The following EIF2B3 variants were observed in gnomAD, a reference collection of about 807,000 sequenced individuals.
EIF2B3 encodes the protein translation initiation factor eIF2B subunit gamma.
In EIF2B3, 20 loss-of-function variants were observed where a neutral mutation model predicts 54.1. That is an observed-to-expected ratio of 0.37 (90% confidence interval 0.26 to 0.54). The LOEUF (loss-of-function observed/expected upper bound fraction) is 0.54. Among genes scored for constraint, EIF2B3 ranks in the 20% least tolerant of loss-of-function variants. The probability of loss-of-function intolerance (pLI) is 0.86; values close to 1 mark genes in which losing one functional copy is unlikely to be tolerated. For missense variants in EIF2B3, 448 were observed against 547.8 expected (o/e 0.82, Z 1.82); for synonymous variants, 153 against 188.1 (o/e 0.81, Z 1.52).
chr1:44,959,211 G>T, intron 3 of EIF2B3: 1 of 696,382 alleles, frequency 1.4e-6, no homozygotes, highest in Non-Finnish European at 2.6e-6. Context: ...GTTTCCTTTG[G>T]ATAGTACACC....
chr1:44,879,788 G>C, intron 8 of EIF2B3, 30 bp downstream of exon 8: 2 of 1,609,186 alleles, frequency 1.2e-6, no homozygotes, highest in African/African-American at 1.3e-5. Flanking sequence ...TAGGACAAGA[G>C]CCCCATGATT....
intron 4 of EIF2B3, among the ~76,000 whole-genome samples, chr1:44,936,616 A>G (rs567879223): frequency 4.7e-4 from 71 of 152,258 alleles, no homozygotes; most frequent in Middle Eastern, 6.8e-3. Context: ...TGAGCCTTCC[A>G]GAGAGGCTTG....
chr1:44,908,681 T>C (rs1643458723), intron 5 of EIF2B3, among the ~76,000 whole-genome samples: 1 of 152,180 alleles, frequency 6.6e-6, no homozygotes, highest in Non-Finnish European at 1.5e-5. Context: ...CTACAAGCAA[T>C]GTATTTATAG....
At chr1:44,918,472 C>A (rs1388195069) in intron 5 of EIF2B3, among the ~76,000 whole-genome samples, 1 of 151,814 alleles carries the variant, frequency 6.6e-6, no homozygotes, top group Non-Finnish European at 1.5e-5. Context: ...TTACTGTAAC[C>A]TCCGCCTCCC....
chr1:44,961,273 T>C (rs908829954), intron 3 of EIF2B3, among the ~76,000 whole-genome samples: 2 of 142,618 alleles, frequency 1.4e-5, no homozygotes, highest in African/African-American at 2.6e-5. Flanking sequence ...GCCATGATCA[T>C]GCCACTGCAC....
chr1:44,968,674 G>A (rs1470462327), intron 3 of EIF2B3, among the ~76,000 whole-genome samples: 3 of 151,998 alleles, frequency 2.0e-5, no homozygotes, highest in African/African-American at 2.4e-5. Context: ...CGAGGCGGGC[G>A]GATCATGAGG....
At chr1:44,939,835 TAGAGTAC>T (rs898411658) in intron 4 of EIF2B3, among the ~76,000 whole-genome samples, 77 of 152,210 alleles carry the variant, frequency 5.1e-4, no homozygotes, top group Middle Eastern at 6.8e-3. Flanking sequence ...TTTTTATAAA[TAGAGTAC>T]AAAGGAAACA....
chr1:44,983,904 C>T (rs1407477585), intron 1 of EIF2B3, among the ~76,000 whole-genome samples: 1 of 151,858 alleles, frequency 6.6e-6, no homozygotes, highest in East Asian at 2.0e-4. Context: ...GACAGGGTTT[C>T]ACCATGTTGG....
At chr1:44,920,258 C>T (rs1351408323) in intron 5 of EIF2B3, among the ~76,000 whole-genome samples, 1 of 151,916 alleles carries the variant, frequency 6.6e-6, no homozygotes, top group East Asian at 1.9e-4. Context: ...TTTGTGAGTA[C>T]ATGCTAGGTA....
intron 11 of EIF2B3, among the ~76,000 whole-genome samples, chr1:44,857,112 G>T (rs532089307): frequency 1.3e-5 from 2 of 152,254 alleles, no homozygotes; most frequent in East Asian, 3.9e-4. Context: ...CAGTATTGGT[G>T]CCAACCTGGG....
chr1:44,985,067 A>G (rs1398005479), intron 1 of EIF2B3, among the ~76,000 whole-genome samples: 2 of 151,814 alleles, frequency 1.3e-5, no homozygotes, highest in Non-Finnish European at 2.9e-5. Context: ...CGGCCTCCCA[A>G]AGTGCTGGGA....
chr1:44,931,779 G>C (rs114146943), intron 4 of EIF2B3, among the ~76,000 whole-genome samples: 2 of 152,294 alleles, frequency 1.3e-5, no homozygotes, highest in African/African-American at 4.8e-5. Flanking sequence ...CAATAAACCA[G>C]AACTAGAAAG....
At chr1:44,862,388 G>A (rs1360531802) in intron 10 of EIF2B3, among the ~76,000 whole-genome samples, 8 of 152,160 alleles carry the variant, frequency 5.3e-5, no homozygotes, top group Admixed American at 5.2e-4. Flanking sequence ...AGGAGGCCAT[G>A]AGAAAAACAG....
chr1:44,946,455 TG>T (rs1557699160), intron 3 of EIF2B3, among the ~76,000 whole-genome samples: 7 of 151,678 alleles, frequency 4.6e-5, no homozygotes, highest in Admixed American at 4.6e-4. Context: ...TTTTTTTTTT[TG>T]AGACAGGGTC....
At chr1:44,895,107 G>A (rs560694015) in intron 6 of EIF2B3, among the ~76,000 whole-genome samples, 2 of 152,266 alleles carry the variant, frequency 1.3e-5, no homozygotes, top group East Asian at 3.9e-4. Flanking sequence ...AGAGGTCAAG[G>A]TAGATGCGGG....
intron 4 of EIF2B3, among the ~76,000 whole-genome samples, chr1:44,931,247 G>A (rs12125367): frequency 0.22 from 33,683 of 152,034 alleles, 4,064 homozygotes; most frequent in Admixed American, 0.32. Flanking sequence ...GGAAACTGAG[G>A]TTCAGTCCAA....
At chr1:44,859,053 C>A (rs1297902057) in intron 10 of EIF2B3, among the ~76,000 whole-genome samples, 1 of 152,178 alleles carries the variant, frequency 6.6e-6, no homozygotes, top group Non-Finnish European at 1.5e-5. Context: ...AATACCAGCA[C>A]TTTGGGAGGC....
chr1:44,923,972 G>A (rs1335740872), intron 5 of EIF2B3, among the ~76,000 whole-genome samples: 2 of 137,788 alleles, frequency 1.5e-5, no homozygotes, highest in South Asian at 2.2e-4. Context: ...ACAGAGTCTC[G>A]CTGTGTCACC....
At chr1:44,862,456 A>G (rs1321609905) in intron 10 of EIF2B3, among the ~76,000 whole-genome samples, 1 of 152,172 alleles carries the variant, frequency 6.6e-6, no homozygotes, top group Non-Finnish European at 1.5e-5. Flanking sequence ...ATGTTGTGGC[A>G]TATCACCTGA....
Sources: allele counts gnomAD v4.1 joint callset (sites outside exome capture counted in the v4.1 genomes callset), GRCh38; gene constraint gnomAD v4.1.1; transcripts MANE v1.5; gene names NCBI Gene and HGNC (gene_info 2026-07-23, HGNC 2026-07-21).